The following MYO16 variants were observed in gnomAD, a reference collection of about 807,000 sequenced individuals.
MYO16 encodes the protein unconventional myosin-XVI.
Under a neutral mutation model 205.3 loss-of-function variants are expected in MYO16, and 94 were observed. The observed-to-expected ratio is 0.46, with a 90% CI of 0.39 to 0.54. MYO16 has a LOEUF of 0.54. Among genes scored for constraint, MYO16 ranks in the 20% least tolerant of loss-of-function variants. The pLI, the probability that MYO16 is intolerant of heterozygous loss-of-function variation, is 0.00. For missense variants in MYO16, 2,315 were observed against 2,387.5 expected (o/e 0.97, Z 0.63); for synonymous variants, 988 against 954.0 (o/e 1.04, Z -0.66).
At chr13:108,775,584 A>G (rs1886098389) in intron 4 of MYO16, among the ~76,000 whole-genome samples, 1 of 151,970 alleles carries the variant, frequency 6.6e-6, no homozygotes, top group Non-Finnish European at 1.5e-5. Context: ...CGTGGGTCAT[A>G]TCACCTTTGA....
At chr13:108,569,340 TG>T in the MYO16 span, among the ~76,000 whole-genome samples, 8 of 152,146 alleles carry the variant, frequency 5.3e-5, no homozygotes, top group African/African-American at 1.2e-4. Context: ...CTTTTAACAA[TG>T]TTTTTTTGGT....
chr13:108,954,185 T>G (rs1424333296), intron 16 of MYO16, among the ~76,000 whole-genome samples: 2 of 152,232 alleles, frequency 1.3e-5, no homozygotes, highest in Non-Finnish European at 2.9e-5. Flanking sequence ...AAAGAAATAC[T>G]TAAGCTAGCT....
rs367793276 is a variant in MYO16, at chr13:109,165,155, G to A, written c.5323+96G>A. The A allele has an allele frequency of 4.7e-5, 43 of 917,678 alleles. No individual in the cohort carries two copies. In the South Asian group the frequency reaches 7.1e-4, roughly 15 times the overall value. 56.8% of individuals were successfully genotyped at this position (917,678 alleles called of 1,614,324 possible). A position where few individuals can be genotyped will look rare whatever the true frequency, so the allele number is the denominator to read the frequency against. ...GATTTAAAATATGAAAATGAAGTAG[G>A]GTTAAGAACTGGAAAATAGAATATA... On this transcript the variant is annotated intron_variant, in intron 33 of 34. Transcript: ENST00000457511.
chr13:108,677,313 A>ATGTG lies in MYO16; in HGVS notation c.292+11184_292+11187dup, dbSNP rs769838012. ...ACTAGAACCCATAAGGTGCACATGC[A>ATGTG]TGTGTGTGTGTGTGTGTGTGTGTAT... On this transcript the variant is annotated intron_variant, in intron 2 of 34. Transcript: ENST00000457511. 1.4e-3 allele frequency among the ~76,000 whole-genome samples: 202 copies of ATGTG among 140,698 alleles called. 1 individual carries two copies. The East Asian group carries it at 0.034, about 24-fold the overall frequency. 92.3% of individuals were successfully genotyped at this position (140,698 alleles called of 152,430 possible).
the MYO16 span, among the ~76,000 whole-genome samples, chr13:108,569,135 G>A: frequency 6.6e-6 from 1 of 151,884 alleles, no homozygotes; most frequent in Non-Finnish European, 1.5e-5. Flanking sequence ...GATTATTTTG[G>A]CTAGTTTTGA....
At chr13:109,044,179 T>A (rs929995963) in intron 23 of MYO16, among the ~76,000 whole-genome samples, 1 of 152,216 alleles carries the variant, frequency 6.6e-6, no homozygotes, top group Non-Finnish European at 1.5e-5. Context: ...CTTTTGCTAC[T>A]TAAATGCTAA....
At chr13:109,156,016 T>C (rs1878000564) in intron 32 of MYO16, among the ~76,000 whole-genome samples, 1 of 152,158 alleles carries the variant, frequency 6.6e-6, no homozygotes, top group Non-Finnish European at 1.5e-5. Flanking sequence ...CCTAGAAGCT[T>C]ATAAAGTAGG....
At chr13:108,692,634 A>T (rs887825761) in intron 2 of MYO16, among the ~76,000 whole-genome samples, 1 of 152,124 alleles carries the variant, frequency 6.6e-6, no homozygotes, top group South Asian at 2.1e-4. Context: ...CTCTTCCTTA[A>T]TGTGTCACAC....
chr13:109,206,864 T>G lies in MYO16; in HGVS notation c.*28T>G, dbSNP rs1418766026. ...TGGCCTGAACTGCAGACTTACAAAA[T>G]AGAACTGCCTACTGATTCCGGGCTG... On this transcript the variant is annotated 3_prime_UTR_variant, in exon 35 of 35. Coordinates refer to ENST00000457511, the MANE Select transcript of MYO16 (RefSeq NM_001198950.3). The G allele has an allele frequency of 6.3e-7, 1 of 1,590,836 alleles. No homozygotes were observed. The highest frequency in any genetic ancestry group is 8.6e-7 in the Non-Finnish European group (1 of 1,162,836).
At chr13:108,999,496 T>G (rs1885143804) in intron 21 of MYO16, among the ~76,000 whole-genome samples, 4 of 152,232 alleles carry the variant, frequency 2.6e-5, no homozygotes, top group Non-Finnish European at 5.9e-5. Flanking sequence ...ATAGAATCAT[T>G]AAATAATGAG....
intron 23 of MYO16, among the ~76,000 whole-genome samples, chr13:109,026,662 T>G (rs952926465): frequency 2.0e-5 from 3 of 152,154 alleles, no homozygotes; most frequent in Admixed American, 2.0e-4. Flanking sequence ...TTTGATTCGT[T>G]TTTAAGTGAT....
intron 4 of MYO16, among the ~76,000 whole-genome samples, chr13:108,755,827 T>C (rs1370461480): frequency 2.0e-5 from 3 of 152,188 alleles, no homozygotes; most frequent in Admixed American, 1.3e-4. Flanking sequence ...GAACTCTAGA[T>C]GTTCTTAAAG....
chr13:108,572,164 T>G, the MYO16 span, among the ~76,000 whole-genome samples: 3 of 152,086 alleles, frequency 2.0e-5, no homozygotes, highest in South Asian at 6.2e-4. Flanking sequence ...TGCCCTCAAG[T>G]GACTCTCCTG....
chr13:108,644,451 T>A (rs1263167896), intron 1 of MYO16, among the ~76,000 whole-genome samples: 3 of 152,110 alleles, frequency 2.0e-5, no homozygotes, highest in Non-Finnish European at 4.4e-5. Flanking sequence ...TGAGCTGAAA[T>A]AATAAACCTT....
Position 108,894,496 on chromosome 13 carries a change from G to A in MYO16, c.1660-3520G>A, listed in dbSNP as rs546058809. On this transcript the variant is annotated intron_variant, in intron 14 of 34. Transcript: ENST00000457511. ...GAAGTTCACACTGTCACAACACACA[G>A]TACTCTCCCTGAAGGAGGTTTTGGG... Among the ~76,000 whole-genome samples the A allele has an allele frequency of 1.7e-4, 26 of 152,290 alleles. No homozygotes were observed. In the South Asian group the frequency reaches 5.2e-3, roughly 30 times the overall value.
At chr13:108,899,699 T>A (rs561859903) in intron 15 of MYO16, among the ~76,000 whole-genome samples, 1 of 152,264 alleles carries the variant, frequency 6.6e-6, no homozygotes, top group African/African-American at 2.4e-5. Context: ...TGAGCACAGT[T>A]TTCCCCCTGA....
At chr13:108,972,800 CA>C (rs1884104121) in intron 20 of MYO16, among the ~76,000 whole-genome samples, 2 of 151,908 alleles carry the variant, frequency 1.3e-5, no homozygotes, top group South Asian at 4.2e-4. Context: ...ATAAGGTCCA[CA>C]TGGGTTAGAA....
intron 27 of MYO16, among the ~76,000 whole-genome samples, chr13:109,075,032 T>A (rs1482702429): frequency 6.6e-6 from 1 of 152,228 alleles, no homozygotes; most frequent in Non-Finnish European, 1.5e-5. Context: ...TCATCTATAT[T>A]GTTATAGTCC....
intron 20 of MYO16, among the ~76,000 whole-genome samples, chr13:108,969,820 T>C (rs551927534): frequency 1.2e-4 from 19 of 152,338 alleles, no homozygotes; most frequent in Admixed American, 4.6e-4. Flanking sequence ...AATAGGTTTC[T>C]ACCCAGGGTT....
Sources: allele counts gnomAD v4.1 joint callset (sites outside exome capture counted in the v4.1 genomes callset), GRCh38; gene constraint gnomAD v4.1.1; transcripts MANE v1.5; gene names NCBI Gene and HGNC (gene_info 2026-07-23, HGNC 2026-07-21).